The following ASF1A variants were observed in gnomAD, a reference collection of about 807,000 sequenced individuals.
ASF1A encodes the protein histone chaperone ASF1A.
In ASF1A, 5 loss-of-function variants were observed where a neutral mutation model predicts 22.0. The observed-to-expected ratio is 0.23, with a 90% CI of 0.12 to 0.48. The LOEUF (loss-of-function observed/expected upper bound fraction) is 0.48, where lower values mean the gene tolerates loss of function less well. Ranked by LOEUF, ASF1A falls within the 20% of genes least tolerant of loss-of-function variation. ASF1A has a pLI of 0.99. For synonymous variants in ASF1A, 97 were observed against 86.7 expected, an observed-to-expected ratio of 1.12 and a Z score of -0.66; for missense variants, 137 against 240.6, an observed-to-expected ratio of 0.57 and a Z score of 2.85.
chr6:118,901,680 A>G, intron 2 of ASF1A, among the ~76,000 whole-genome samples: 1 of 152,310 alleles, frequency 6.6e-6, no homozygotes. Context: ...ATGCTTATTT[A>G]TAAGGGAGAT....
chr6:118,894,338 TC>T lies in ASF1A; in HGVS notation c.-73del. 1 of 1,530,852 alleles carries T rather than the reference TC, an allele frequency of 6.5e-7. No homozygotes were observed. The highest frequency in any genetic ancestry group is 8.8e-7 in the Non-Finnish European group (1 of 1,142,400). The allele number at this position is 1,530,852 out of a possible 1,614,324, so 94.8% of individuals were successfully genotyped here. ...GGCGCTGGAGCGGGGGTCTGCGCTCTCCCGAGCGGCCGCGCGCTGGACTTTA... is the reference window on the plus strand; with the variant it reads ...GGCGCTGGAGCGGGGGTCTGCGCTCTCCGAGCGGCCGCGCGCTGGACTTTA... On this transcript the variant is annotated 5_prime_UTR_variant, in exon 1 of 4. Transcript: ENST00000229595.
intron 2 of ASF1A, among the ~76,000 whole-genome samples, chr6:118,905,155 A>G (rs905877228): frequency 6.6e-5 from 10 of 152,182 alleles, no homozygotes; most frequent in Admixed American, 3.9e-4. Context: ...GTTTTATACT[A>G]ATTTACTATT....
intron 3 of ASF1A, among the ~76,000 whole-genome samples, 195 bp from the exon 4 acceptor site, chr6:118,907,207 A>G (rs894758698): frequency 1.3e-5 from 2 of 152,202 alleles, no homozygotes; most frequent in African/African-American, 4.8e-5. Context: ...GTTAATCTAA[A>G]ATAACTTCTT....
chr6:118,899,166 T>C (rs1779635364), intron 1 of ASF1A, among the ~76,000 whole-genome samples: 1 of 152,226 alleles, frequency 6.6e-6, no homozygotes, highest in Non-Finnish European at 1.5e-5. Flanking sequence ...ATATTGTTTC[T>C]TCCCTTGTCC....
intron 2 of ASF1A, among the ~76,000 whole-genome samples, chr6:118,901,463 TA>T (rs145983934): frequency 0.01 from 1,578 of 152,306 alleles, 30 homozygotes; most frequent in African/African-American, 0.036. Flanking sequence ...CATTATCTTA[TA>T]AGAGGACTAC....
chr6:118,908,636 A>G lies in ASF1A; in HGVS notation c.*1022A>G, dbSNP rs1338156616. On this transcript the variant is annotated 3_prime_UTR_variant, in exon 4 of 4. Transcript: ENST00000229595. ...GAGATCAGGCATATTTGTGGTTGAC[A>G]TACTCTAGATAGCTTTTCCAACAAA... The G allele has an allele frequency of 6.6e-6, 1 of 152,216 alleles. No individual in the cohort carries two copies. The highest frequency in any genetic ancestry group is 2.4e-5 in the African/African-American group (1 of 41,462). The allele number at this position is 152,216 out of a possible 1,614,324, so 9.4% of individuals were successfully genotyped here. A position where few individuals can be genotyped will look rare whatever the true frequency, so the allele number is the denominator to read the frequency against.
Position 118,908,705 on chromosome 6 carries a change from G to T in ASF1A, c.*1091G>T, listed in dbSNP as rs1326078490. On this transcript the variant is annotated 3_prime_UTR_variant, in exon 4 of 4. Coordinates refer to ENST00000229595, the MANE Select transcript of ASF1A (RefSeq NM_014034.3). ...GGAAAGGAATTCATTAACTAAATGG[G>T]GTAAAAGGTTTCTTTTTCTTTGAGA... The T allele has an allele frequency of 6.6e-6, 1 of 152,306 alleles. No individual in the cohort carries two copies. The highest frequency in any genetic ancestry group is 1.5e-5 in the Non-Finnish European group (1 of 67,968). 9.4% of individuals were successfully genotyped at this position (152,306 alleles called of 1,614,324 possible). A position where few individuals can be genotyped will look rare whatever the true frequency, so the allele number is the denominator to read the frequency against.
At chr6:118,905,427 C>G (rs1236647553) in intron 2 of ASF1A, among the ~76,000 whole-genome samples, 2 of 152,294 alleles carry the variant, frequency 1.3e-5, no homozygotes, top group East Asian at 3.9e-4. Flanking sequence ...TGTAGTCATG[C>G]TTTCAAGTAT....
intron 2 of ASF1A, 158 bp downstream of exon 2, chr6:118,901,039 G>C (rs993096612): frequency 8.7e-6 from 5 of 575,134 alleles, no homozygotes; most frequent in Non-Finnish European, 1.6e-5. Flanking sequence ...GGCAGTCTCT[G>C]TGTCACAGAG....
intron 1 of ASF1A, among the ~76,000 whole-genome samples, chr6:118,895,041 A>T (rs986183701): frequency 4.6e-5 from 7 of 152,128 alleles, no homozygotes; most frequent in African/African-American, 1.7e-4. Flanking sequence ...GGCGAAAGGC[A>T]GGCAGGCACT....
chr6:118,896,071 G>A, intron 1 of ASF1A, among the ~76,000 whole-genome samples: 1 of 146,562 alleles, frequency 6.8e-6, no homozygotes. Flanking sequence ...CCTATATAGA[G>A]CATAAATGCA....
chr6:118,894,550 T>G (rs1779210901), intron 1 of ASF1A, 28 bp downstream of exon 1: 2 of 1,510,266 alleles, frequency 1.3e-6, no homozygotes, highest in African/African-American at 1.4e-5. Context: ...GCGCCCGGGC[T>G]GTCAGTTGCG....
chr6:118,902,064 T>G (rs916281670), intron 2 of ASF1A, among the ~76,000 whole-genome samples: 1 of 152,202 alleles, frequency 6.6e-6, no homozygotes, highest in African/African-American at 2.4e-5. Context: ...TCTAAAGAAA[T>G]AGCTAAGAAA....
chr6:118,896,243 AT>A (rs1156673364), intron 1 of ASF1A, among the ~76,000 whole-genome samples: 1 of 152,024 alleles, frequency 6.6e-6, no homozygotes, highest in Non-Finnish European at 1.5e-5. Context: ...TACCAGGCCC[AT>A]TTTTCACACC....
intron 2 of ASF1A, among the ~76,000 whole-genome samples, chr6:118,904,101 G>T (rs956112597): frequency 5.1e-5 from 4 of 78,824 alleles, no homozygotes; most frequent in Admixed American, 2.1e-4. Context: ...CAAAGAGAAA[G>T]AACATATCTG....
At chr6:118,903,772 A>C (rs1274053663) in intron 2 of ASF1A, among the ~76,000 whole-genome samples, 1 of 152,202 alleles carries the variant, frequency 6.6e-6, no homozygotes, top group Non-Finnish European at 1.5e-5. Flanking sequence ...GTTTTTGTAG[A>C]GATGGGGTTT....
At chr6:118,894,744 TGAGCGGAG>T (rs200062006) in intron 1 of ASF1A, among the ~76,000 whole-genome samples, 5,940 of 152,302 alleles carry the variant, frequency 0.039, 249 homozygotes, top group African/African-American at 0.11. Context: ...GGAACTTGTT[TGAGCGGAG>T]GAGCGGAGGT....
chr6:118,900,454 T>G (rs1293046588), intron 1 of ASF1A, among the ~76,000 whole-genome samples: 2 of 152,212 alleles, frequency 1.3e-5, no homozygotes, highest in African/African-American at 4.8e-5. Flanking sequence ...TCAGAAAACT[T>G]ACTGTGCCAG....
intron 3 of ASF1A, among the ~76,000 whole-genome samples, chr6:118,906,116 A>G (rs1329238106): frequency 6.6e-6 from 1 of 152,166 alleles, no homozygotes; most frequent in East Asian, 1.9e-4. Flanking sequence ...TCTGTTGCTC[A>G]GGCTGGAGCG....
Sources: allele counts gnomAD v4.1 joint callset (sites outside exome capture counted in the v4.1 genomes callset), GRCh38; gene constraint gnomAD v4.1.1; transcripts MANE v1.5; gene names NCBI Gene and HGNC (gene_info 2026-07-23, HGNC 2026-07-21).